The following LPAR3 variants were observed in gnomAD, a reference collection of about 807,000 sequenced individuals.
LPAR3 encodes the protein LPA receptor 3.
A neutral mutation model predicts 17.8 loss-of-function variants in LPAR3; 7 were observed. The ratio of observed to expected loss-of-function variants is 0.39; its 90% CI spans 0.22 to 0.74. The LOEUF (loss-of-function observed/expected upper bound fraction) is 0.74, where lower values mean the gene tolerates loss of function less well. LPAR3 is among the 30% of genes least tolerant of loss of function. LPAR3 has a pLI of 0.40. For synonymous variants in LPAR3, 179 were observed against 179.9 expected, an observed-to-expected ratio of 0.99 and a Z score of 0.04; for missense variants, 391 against 453.4, an observed-to-expected ratio of 0.86 and a Z score of 1.25.
intron 1 of LPAR3, among the ~76,000 whole-genome samples, chr1:84,866,427 T>C (rs1660052681): frequency 1.3e-5 from 2 of 152,222 alleles, no homozygotes; most frequent in African/African-American, 2.4e-5. Flanking sequence ...TTGCTCTGTC[T>C]GCCTCATGGT....
intron 2 of LPAR3, among the ~76,000 whole-genome samples, chr1:84,846,732 G>A (rs990182885): frequency 2.0e-5 from 3 of 152,062 alleles, no homozygotes; most frequent in Non-Finnish European, 2.9e-5. Context: ...ATTTGTGTCA[G>A]AGCAAATAAG....
intron 2 of LPAR3, among the ~76,000 whole-genome samples, chr1:84,853,525 C>T (rs938772561): frequency 4.6e-5 from 7 of 152,218 alleles, no homozygotes; most frequent in African/African-American, 1.4e-4. Context: ...CCTCTTCCTG[C>T]TTCTTCTCTC....
At chr1:84,814,335 G>A (rs779498438) in intron 2 of LPAR3, among the ~76,000 whole-genome samples, 164 bp from the exon 3 acceptor site, 3 of 152,140 alleles carry the variant, frequency 2.0e-5, no homozygotes. Flanking sequence ...TGAGACCTAC[G>A]CTTGGTACAG....
chr1:84,865,891 A>C lies in LPAR3; in HGVS notation c.230T>G (p.Phe77Cys). 1 of 1,614,250 alleles carries C rather than the reference A, an allele frequency of 6.2e-7. No individual in the cohort carries two copies. Among genetic ancestry groups the C allele is most frequent in the Non-Finnish European group, 8.5e-7 (1 of 1,180,042 alleles). Reference protein sequence around the residue: ...YLLANLAAADFFAGIAYVFLM... With the variant: ...YLLANLAAADCFAGIAYVFLM... ...GAATACATAGGCAATTCCAGCGAAG[A>C]AATCGGCAGCAGCTAAATTAGCCAA... is the stretch of plus-strand genomic sequence containing the variant. The change falls in exon 2 of 3, where the codon TTC becomes TGC. Residue 77 changes from phenylalanine to cysteine, a missense_variant. Phe to Cys is a radical substitution (Grantham distance 205, BLOSUM62 -2). Coordinates refer to ENST00000370611, the MANE Select transcript of LPAR3 (RefSeq NM_012152.3).
chr1:84,836,271 A>C (rs1173299299), intron 2 of LPAR3, among the ~76,000 whole-genome samples: 1 of 147,916 alleles, frequency 6.8e-6, no homozygotes, highest in Non-Finnish European at 1.5e-5. Flanking sequence ...CCAGGAAGTC[A>C]TGGCCTCAGT....
At chr1:84,843,274 G>A (rs1659540352) in intron 2 of LPAR3, among the ~76,000 whole-genome samples, 1 of 152,174 alleles carries the variant, frequency 6.6e-6, no homozygotes, top group African/African-American at 2.4e-5. Context: ...GGCCAATACT[G>A]GAATCCTGAG....
intron 2 of LPAR3, among the ~76,000 whole-genome samples, chr1:84,859,428 A>C (rs1414494946): frequency 6.6e-6 from 1 of 152,220 alleles, no homozygotes; most frequent in Non-Finnish European, 1.5e-5. Context: ...TAAGTCCCTT[A>C]ACAACGATAA....
intron 1 of LPAR3, among the ~76,000 whole-genome samples, chr1:84,873,519 G>A (rs1660196733): frequency 6.6e-6 from 1 of 152,140 alleles, no homozygotes; most frequent in Admixed American, 6.5e-5. Context: ...GTGGCAATTT[G>A]TTCAAAATTA....
chr1:84,851,249 C>A (rs1410446899), intron 2 of LPAR3, among the ~76,000 whole-genome samples: 2 of 152,176 alleles, frequency 1.3e-5, no homozygotes, highest in Non-Finnish European at 2.9e-5. Flanking sequence ...CATAAAAATG[C>A]CTGACAATTC....
intron 1 of LPAR3, among the ~76,000 whole-genome samples, chr1:84,879,434 C>T (rs1660322170): frequency 6.6e-6 from 1 of 151,330 alleles, no homozygotes; most frequent in Admixed American, 6.6e-5. Flanking sequence ...GCCTCAGCCT[C>T]CCGAGTAGCT....
At chr1:84,858,245 G>A (rs1451195719) in intron 2 of LPAR3, among the ~76,000 whole-genome samples, 1 of 152,092 alleles carries the variant, frequency 6.6e-6, no homozygotes, top group African/African-American at 2.4e-5. Context: ...ACTTTGGGAG[G>A]CCGAGATGGG....
At chr1:84,859,003 G>A (rs1156626102) in intron 2 of LPAR3, among the ~76,000 whole-genome samples, 2 of 152,142 alleles carry the variant, frequency 1.3e-5, no homozygotes, top group Non-Finnish European at 2.9e-5. Flanking sequence ...ATCTGCAAAG[G>A]CTTAAAGAGA....
Position 84,891,512 on chromosome 1 carries a change from G to C in LPAR3, c.-19+1504C>G, listed in dbSNP as rs79157642. Among the ~76,000 whole-genome samples the C allele has an allele frequency of 4.6e-5, 7 of 152,288 alleles. No individual in the cohort carries two copies. In the East Asian group the frequency reaches 1.4e-3, roughly 29 times the overall value. The stretch of plus-strand genomic sequence containing the variant: ...ACAAGCCTGGGGTTAACAGAGCCAA[G>C]GTGTGTGTTTCTAACCGTATCACTT... On this transcript the variant is annotated intron_variant, in intron 1 of 2. Coordinates refer to ENST00000370611, the MANE Select transcript of LPAR3 (RefSeq NM_012152.3).
At chr1:84,862,587 T>C (rs540763566) in intron 2 of LPAR3, among the ~76,000 whole-genome samples, 1 of 152,346 alleles carries the variant, frequency 6.6e-6, no homozygotes, top group African/African-American at 2.4e-5. Context: ...TTAAGCACTA[T>C]ATAAATATTT....
At chr1:84,827,458 C>T (rs759134737) in intron 2 of LPAR3, among the ~76,000 whole-genome samples, 4 of 152,238 alleles carry the variant, frequency 2.6e-5, no homozygotes, top group Middle Eastern at 3.4e-3. Context: ...AGCTTAAAAA[C>T]CTTTAAAATA....
chr1:84,852,859 T>C (rs1659746170), intron 2 of LPAR3, among the ~76,000 whole-genome samples: 1 of 152,074 alleles, frequency 6.6e-6, no homozygotes, highest in Non-Finnish European at 1.5e-5. Flanking sequence ...ATCTGGCAAC[T>C]AGGAAGACAA....
At chr1:84,861,216 T>G (rs964951700) in intron 2 of LPAR3, among the ~76,000 whole-genome samples, 24 of 152,232 alleles carry the variant, frequency 1.6e-4, no homozygotes, top group African/African-American at 5.8e-4. Context: ...CCAGCACTGT[T>G]GATTTTTCTA....
intron 1 of LPAR3, among the ~76,000 whole-genome samples, chr1:84,879,317 T>TTTTC (rs1235992096): frequency 1.3e-4 from 3 of 23,708 alleles, no homozygotes; most frequent in East Asian, 8.7e-4. Context: ...TTCTTTTTTC[T>TTTTC]TTTTTTTTTT....
chr1:84,891,503 C>T (rs957835916), intron 1 of LPAR3, among the ~76,000 whole-genome samples: 1 of 152,164 alleles, frequency 6.6e-6, no homozygotes, highest in African/African-American at 2.4e-5. Context: ...CTGGGGTTAA[C>T]AGAGCCAAGG....
Sources: gnomAD v4.1 joint callset for allele counts (sites outside exome capture counted in the v4.1 genomes callset) on GRCh38, gnomAD v4.1.1 for gene constraint, MANE v1.5 for transcripts, NCBI Gene and HGNC (gene_info 2026-07-23, HGNC 2026-07-21) for gene names.